KCNQ1: variants seen among roughly 807,000 people sequenced by gnomAD.
KCNQ1 encodes potassium voltage-gated channel subfamily KQT member 1.
KCNQ1 carries 49 observed loss-of-function variants against 72.4 expected under a neutral mutation model. The ratio of observed to expected loss-of-function variants is 0.68; its 90% CI spans 0.54 to 0.86. The LOEUF (loss-of-function observed/expected upper bound fraction) is 0.86, where lower values mean the gene tolerates loss of function less well. KCNQ1 is among the 40% of genes least tolerant of loss of function. The probability of loss-of-function intolerance (pLI) is 0.00; values close to 1 mark genes in which losing one functional copy is unlikely to be tolerated. For synonymous variants in KCNQ1, 450 were observed against 412.6 expected (o/e 1.09, Z -1.10); for missense variants, 790 against 945.1 (o/e 0.84, Z 2.15).
In KCNQ1 at chr11:2,464,701, C is replaced by T. The variant is rs193228355; in HGVS notation, c.386+19217C>T. Among the ~76,000 whole-genome samples the T allele has an allele frequency of 5.3e-5, 8 of 152,090 alleles. No individual in the cohort carries two copies. The highest frequency in any genetic ancestry group is 1.2e-4 in the African/African-American group (5 of 41,412). ...TCTCAGGGGCCAGGATTACATGGTCCGTGTTGGACTCTGGGATGCTGGTGG... is the reference window on the plus strand; with the variant it reads ...TCTCAGGGGCCAGGATTACATGGTCTGTGTTGGACTCTGGGATGCTGGTGG... On this transcript the variant is annotated intron_variant, in intron 1 of 15. Coordinates refer to ENST00000155840, the MANE Select transcript of KCNQ1 (RefSeq NM_000218.3). The surrounding 1 kb of genome is among the most constrained non-coding windows in gnomAD (Gnocchi z 5.0).
At chr11:2,841,194 A>C (rs998087678) in intron 15 of KCNQ1, among the ~76,000 whole-genome samples, 6 of 152,238 alleles carry the variant, frequency 3.9e-5, no homozygotes, top group African/African-American at 1.4e-4. Context: ...CAGCGGGTGC[A>C]AAGGCCCCAG....
intron 2 of KCNQ1, among the ~76,000 whole-genome samples, chr11:2,531,303 C>T (rs1039403476): frequency 2.6e-5 from 4 of 151,938 alleles, no homozygotes; most frequent in Admixed American, 6.6e-5. Context: ...GAGAATTAGA[C>T]GTGCCCTGGG....
chr11:2,801,509 C>T (rs1242866246), intron 15 of KCNQ1, among the ~76,000 whole-genome samples: 1 of 152,204 alleles, frequency 6.6e-6, no homozygotes, highest in Non-Finnish European at 1.5e-5. Context: ...TAGGCTGGGC[C>T]CTTCCTCTGT....
At chr11:2,686,931 G>A (rs1179412944) in intron 11 of KCNQ1, 10 of 398,532 alleles carry the variant, frequency 2.5e-5, no homozygotes, top group Non-Finnish European at 4.0e-5. Context: ...GCAGGTCTCC[G>A]TGATGCGGAG....
intron 11 of KCNQ1, among the ~76,000 whole-genome samples, chr11:2,707,762 A>C (rs577736551): frequency 6.6e-6 from 1 of 152,340 alleles, no homozygotes; most frequent in East Asian, 1.9e-4. Context: ...AGGATGTAGA[A>C]GCTACTAGAG....
At chr11:2,501,718 C>CAAAAAA (rs55865890) in intron 1 of KCNQ1, among the ~76,000 whole-genome samples, 47 of 68,902 alleles carry the variant, frequency 6.8e-4, no homozygotes, top group Non-Finnish European at 8.9e-4. Context: ...AAAGATACAT[C>CAAAAAA]AAAAAAAAAA....
At chr11:2,845,197 C>A (rs2519182) in intron 15 of KCNQ1, among the ~76,000 whole-genome samples, 1 of 152,228 alleles carries the variant, frequency 6.6e-6, no homozygotes, top group East Asian at 1.9e-4. Context: ...GCCGGTCCCC[C>A]TCCCAGAGGC....
intron 2 of KCNQ1, among the ~76,000 whole-genome samples, chr11:2,568,535 G>T (rs1848279593): frequency 6.6e-6 from 1 of 152,226 alleles, no homozygotes; most frequent in African/African-American, 2.4e-5. Flanking sequence ...ATGGTGTCCA[G>T]GCCCGGTCTC....
intron 15 of KCNQ1, among the ~76,000 whole-genome samples, chr11:2,804,004 G>T (rs1847326450): frequency 6.6e-6 from 1 of 152,212 alleles, no homozygotes; most frequent in Non-Finnish European, 1.5e-5. Flanking sequence ...AGGTATCGGG[G>T]AGTCGAAGGC....
At position 2,599,574 on chromosome 11, in the gene KCNQ1, A is replaced by G. The variant is rs1848772963; in HGVS notation, c.1393+10720A>G. 6.6e-6 allele frequency among the ~76,000 whole-genome samples: 1 copy of G among 152,232 alleles called. No homozygotes were observed. Among genetic ancestry groups the G allele is most frequent in the Admixed American group, 6.5e-5 (1 of 15,286 alleles). ...TTTGCTAGGACTGCCATAACAAAAT[A>G]CCACAGGCTGGGTGGCTTAGACAGC... On this transcript the variant is annotated intron_variant, in intron 10 of 15. Transcript: ENST00000155840. The surrounding 1 kb of genome is among the most constrained non-coding windows in gnomAD (Gnocchi z 4.7).
In KCNQ1 at chr11:2,748,505, C is replaced by T. The variant is rs1050316252; in HGVS notation, c.1515-20339C>T. Among the ~76,000 whole-genome samples, 30 of 152,194 alleles carry T rather than the reference C, an allele frequency of 2.0e-4. No homozygotes were observed. Among genetic ancestry groups the T allele is most frequent in the African/African-American group, 7.2e-4 (30 of 41,452 alleles). On this transcript the variant is annotated intron_variant, in intron 11 of 15. Transcript: ENST00000155840. This position sits in a 1 kb window ranked among gnomAD's most constrained non-coding sequence, Gnocchi z 6.2. ...AGGCTCCACTCTTCCTCCAGGTGAG[C>T]CCGAGGGCCCAGCTGGGCGTCCACG...
Position 2,612,920 on chromosome 11 carries a change from G to A in KCNQ1, c.1393+24066G>A. 5.0e-6 allele frequency: 2 copies of A among 398,534 alleles called. No individual in the cohort carries two copies. The highest frequency in any genetic ancestry group is 8.8e-6 in the Non-Finnish European group (2 of 226,046). The allele number at this position is 398,534 out of a possible 1,614,324, so 24.7% of individuals were successfully genotyped here. ...CTCATTTATTTGTTTGCTCGCTTGTGTATGCCTTCTCTGCATGGATTCTGC... is the reference window on the plus strand; with the variant it reads ...CTCATTTATTTGTTTGCTCGCTTGTATATGCCTTCTCTGCATGGATTCTGC... On this transcript the variant is annotated intron_variant, in intron 10 of 15. Transcript: ENST00000155840. This position sits in a 1 kb window ranked among gnomAD's most constrained non-coding sequence, Gnocchi z 5.5.
At chr11:2,505,882 C>T (rs995306885) in intron 1 of KCNQ1, among the ~76,000 whole-genome samples, 1 of 152,162 alleles carries the variant, frequency 6.6e-6, no homozygotes, top group African/African-American at 2.4e-5. Context: ...TTGGCTCTAA[C>T]GCGAGTCTCT....
At chr11:2,730,165 G>A (rs1845829006) in intron 11 of KCNQ1, among the ~76,000 whole-genome samples, 1 of 152,212 alleles carries the variant, frequency 6.6e-6, no homozygotes. Context: ...GGACAGACCT[G>A]GCAGACCAGG....
rs554707050 is a variant in KCNQ1, at chr11:2,801,637, AAC to A, written c.1794+23604_1794+23605del. Among the ~76,000 whole-genome samples, 34 of 152,306 alleles carry A rather than the reference AAC, an allele frequency of 2.2e-4. No homozygotes were observed. The South Asian group carries it at 5.8e-3, about 26-fold the overall frequency. On this transcript the variant is annotated intron_variant, in intron 15 of 15. Transcript: ENST00000155840. ...TCACCTCCTAAAGGCCTCGTCTCCA[AAC>A]ACAGTCACATTGGGGATTAGGGCTT...
chr11:2,488,045 T>A lies in KCNQ1; in HGVS notation c.387-39883T>A, dbSNP rs1289185682. On this transcript the variant is annotated intron_variant, in intron 1 of 15. Coordinates refer to ENST00000155840, the MANE Select transcript of KCNQ1 (RefSeq NM_000218.3). The surrounding 1 kb of genome is among the most constrained non-coding windows in gnomAD (Gnocchi z 5.1). Reference sequence around the variant, plus strand: ...TTATGTTAAGGTAGTTTCCTTCTATTCCTAGTTTGTTGAGAGTTTTTAATA... The same window carrying A: ...TTATGTTAAGGTAGTTTCCTTCTATACCTAGTTTGTTGAGAGTTTTTAATA... Among the ~76,000 whole-genome samples the A allele has an allele frequency of 4.6e-5, 7 of 152,174 alleles. No individual in the cohort carries two copies. Among genetic ancestry groups the A allele is most frequent in the African/African-American group, 1.7e-4 (7 of 41,456 alleles).
chr11:2,740,765 AG>A (rs1846037757), intron 11 of KCNQ1, among the ~76,000 whole-genome samples: 1 of 152,102 alleles, frequency 6.6e-6, no homozygotes, highest in Non-Finnish European at 1.5e-5. Context: ...TCACCCTCAA[AG>A]GCGGCTGCGG....
rs7947990 is a variant in KCNQ1, at chr11:2,601,361, G to C, written c.1393+12507G>C. Among the ~76,000 whole-genome samples the C allele has an allele frequency of 0.17, 25,118 of 152,128 alleles. 2,528 individuals are homozygous for C. Among genetic ancestry groups the C allele is most frequent in the East Asian group, 0.29 (1,472 of 5,162 alleles). ...ATCTTTTGCCCGTTTAAAAAAATGAGACTTTCAAGCTTTTTATTTTTAGAC... is the reference window on the plus strand; with the variant it reads ...ATCTTTTGCCCGTTTAAAAAAATGACACTTTCAAGCTTTTTATTTTTAGAC... On this transcript the variant is annotated intron_variant, in intron 10 of 15. Transcript: ENST00000155840. The surrounding 1 kb of genome is among the most constrained non-coding windows in gnomAD (Gnocchi z 5.2).
rs199473394 is a variant in KCNQ1 at position 2,570,685 on chromosome 11, G to A, written c.535G>A (p.Gly179Ser). The A allele has an allele frequency of 6.8e-6, 11 of 1,612,422 alleles. No individual in the cohort carries two copies. Among genetic ancestry groups the A allele is most frequent in the African/African-American group, 2.7e-5 (2 of 74,924 alleles). The change falls in exon 3 of 16, where the codon GGC (glycine) becomes AGC (serine). Residue 179 changes from glycine to serine, a missense_variant. Gly to Ser is a moderately conservative substitution (Grantham distance 56, BLOSUM62 0). Around this residue, in one of 5 missense-constraint regions of KCNQ1, gnomAD observed 294 missense variants for 323.3 expected, o/e 0.91. Transcript: ENST00000155840. Reference protein sequence around the residue: ...TEYVVRLWSAGCRSKYVGLWG... With the variant: ...TEYVVRLWSASCRSKYVGLWG... ...GTACGTGGTCCGCCTCTGGTCCGCC[G>A]GCTGCCGCAGCAAGTACGTGGGCCT... is the stretch of plus-strand genomic sequence containing the variant.
Sources: allele counts gnomAD v4.1 joint callset (sites outside exome capture counted in the v4.1 genomes callset), GRCh38; gene constraint gnomAD v4.1.1; regional missense constraint gnomAD v4.1.1; non-coding constraint Gnocchi (gnomAD v3.1); transcripts MANE v1.5; gene names NCBI Gene and HGNC (gene_info 2026-07-23, HGNC 2026-07-21).